The following SPTAN1 variants were observed in gnomAD, a reference collection of about 807,000 sequenced individuals.
SPTAN1 encodes spectrin alpha, non-erythrocytic 1, also known as spectrin alpha chain, non-erythrocytic 1.
SPTAN1 carries 61 observed loss-of-function variants against 331.3 expected under a neutral mutation model. That is an observed-to-expected ratio of 0.18 (90% CI 0.15 to 0.23). The LOEUF is 0.23. SPTAN1 is among the 10% of genes least tolerant of loss of function. The probability of loss-of-function intolerance (pLI) is 1.00; values close to 1 mark genes in which losing one functional copy is unlikely to be tolerated. For missense variants in SPTAN1, 2,043 were observed against 3,147.9 expected (o/e 0.65, Z 8.40); for synonymous variants, 1,153 against 1,173.9 (o/e 0.98, Z 0.36).
At chr9:128,571,094 C>T (rs1850665093) in intron 3 of SPTAN1, among the ~76,000 whole-genome samples, 2 of 152,048 alleles carry the variant, frequency 1.3e-5, no homozygotes, top group Admixed American at 1.3e-4. Flanking sequence ...TCAAAACCAG[C>T]CTGGGCAACA....
Position 128,583,182 on chromosome 9 carries a change from C to T in SPTAN1, c.1912C>T (p.Leu638=). ...IDALEKAGQK[L]IDVNHYAKDE... is the part of the protein sequence containing the mutation. Reference sequence around the variant, plus strand: ...TGCCTTGGAGAAAGCTGGCCAAAAGCTGATTGATGTCAACCACTATGCCAA... The same window carrying T: ...TGCCTTGGAGAAAGCTGGCCAAAAGTTGATTGATGTCAACCACTATGCCAA... Residue 638 remains leucine (L), a synonymous_variant, in exon 15 of 57, where the codon CTG becomes TTG. Coordinates refer to ENST00000372739, the MANE Select transcript of SPTAN1 (RefSeq NM_001130438.3). 1 of 1,614,116 alleles carries T rather than the reference C, an allele frequency of 6.2e-7. No homozygotes were observed. The highest frequency in any genetic ancestry group is 8.5e-7 in the Non-Finnish European group (1 of 1,180,036).
At chr9:128,610,559 G>GTT (rs767424166) in intron 37 of SPTAN1, among the ~76,000 whole-genome samples, 5 of 146,396 alleles carry the variant, frequency 3.4e-5, no homozygotes, top group African/African-American at 1.3e-4. Flanking sequence ...CCTTTTAGTT[G>GTT]TTTTTTTTTT....
intron 1 of SPTAN1, among the ~76,000 whole-genome samples, chr9:128,563,009 T>C (rs10988039): frequency 0.17 from 22,884 of 135,158 alleles, 2,580 homozygotes; most frequent in East Asian, 0.44. Context: ...TATATATATA[T>C]ATATATATAT....
rs377595045 is a variant in SPTAN1 at position 128,613,688 on chromosome 9, T to C, written c.5148+203T>C. Among the ~76,000 whole-genome samples the C allele has an allele frequency of 4.6e-5, 7 of 152,358 alleles. No individual in the cohort carries two copies. In the South Asian group the frequency reaches 8.3e-4, roughly 18 times the overall value. On this transcript the variant is annotated intron_variant, in intron 40 of 56. Transcript: ENST00000372739. ...ATTTTTATTATGTAGGTTTTATCAATGCTCACCATTATTAAAAATTACATA... is the reference window on the plus strand; with the variant it reads ...ATTTTTATTATGTAGGTTTTATCAACGCTCACCATTATTAAAAATTACATA...
intron 22 of SPTAN1, among the ~76,000 whole-genome samples, chr9:128,592,511 G>T (rs1853667985): frequency 6.6e-6 from 1 of 152,184 alleles, no homozygotes; most frequent in South Asian, 2.1e-4. Flanking sequence ...CTGACCTCGT[G>T]ATCCGCCCGC....
chr9:128,614,585 G>A (rs1490839748), intron 40 of SPTAN1, among the ~76,000 whole-genome samples: 4 of 147,292 alleles, frequency 2.7e-5, no homozygotes, highest in South Asian at 2.2e-4. Flanking sequence ...ATGAGACTAC[G>A]TCTCAAAAAA....
chr9:128,627,627 C>A lies in SPTAN1; in HGVS notation c.6689+129C>A, dbSNP rs956645216. On this transcript the variant is annotated intron_variant, in intron 50 of 56. Transcript: ENST00000372739. This position sits in a 1 kb window ranked among gnomAD's most constrained non-coding sequence, Gnocchi z 4.9. Reference sequence around the variant, plus strand: ...GAGGCAGCCTGGGAATAAAGCTGGGCTGGCAACGCCTGGTCGGGCTCTGGA... The same window carrying A: ...GAGGCAGCCTGGGAATAAAGCTGGGATGGCAACGCCTGGTCGGGCTCTGGA... The A allele has an allele frequency of 4.2e-6, 4 of 959,052 alleles. No homozygotes were observed. The highest frequency in any genetic ancestry group is 6.5e-6 in the Non-Finnish European group (4 of 615,172). 59.4% of individuals were successfully genotyped at this position (959,052 alleles called of 1,614,324 possible).
intron 52 of SPTAN1, 28 bp downstream of exon 52, chr9:128,630,403 CA>C: frequency 6.2e-7 from 1 of 1,611,298 alleles, no homozygotes; most frequent in Non-Finnish European, 8.5e-7. Context: ...TCTGGCCCAG[CA>C]GAGACCCTTC....
At position 128,589,043 on chromosome 9, in the gene SPTAN1, G is replaced by C. The variant is rs62584843; in HGVS notation, c.3006+100G>C. 71,507 of 1,520,340 alleles carry C rather than the reference G, an allele frequency of 0.047. 1,936 individuals carry two copies. The highest frequency in any genetic ancestry group is 0.054 in the Non-Finnish European group (60,083 of 1,122,638). The allele number at this position is 1,520,340 out of a possible 1,614,324, so 94.2% of individuals were successfully genotyped here. A position where few individuals can be genotyped will look rare whatever the true frequency, so the allele number is the denominator to read the frequency against. On this transcript the variant is annotated intron_variant, in intron 21 of 56. Coordinates refer to ENST00000372739, the MANE Select transcript of SPTAN1 (RefSeq NM_001130438.3). ...TTGCATGTCTCCCTGAAATGAGAAG[G>C]CTTAGAATTCAAAGACATGAGTTTC...
intron 51 of SPTAN1, chr9:128,628,334 G>A (rs1005521302): frequency 1.8e-5 from 7 of 383,058 alleles, no homozygotes; most frequent in Non-Finnish European, 3.0e-5. Context: ...TGGTCAGTGG[G>A]CATGAAGCAG....
chr9:128,571,637 G>C (rs903501870), intron 3 of SPTAN1, among the ~76,000 whole-genome samples: 8 of 152,126 alleles, frequency 5.3e-5, no homozygotes, highest in Non-Finnish European at 8.8e-5. Flanking sequence ...AATATAGTTT[G>C]TTGAGTAGGT....
chr9:128,584,059 TG>T, intron 16 of SPTAN1, 90 bp downstream of exon 16: 1 of 1,546,788 alleles, frequency 6.5e-7, no homozygotes. Context: ...AAATGAATTT[TG>T]GGAGGGATGA....
intron 1 of SPTAN1, among the ~76,000 whole-genome samples, chr9:128,557,799 CTTTTTTTTT>C (rs72214808): frequency 2.4e-5 from 2 of 84,994 alleles, no homozygotes; most frequent in Admixed American, 1.5e-4. Flanking sequence ...TTAGAAATTT[CTTTTTTTTT>C]TTTTTTTTTT....
In SPTAN1 at chr9:128,607,964, T is replaced by A. The variant is rs1310639207; in HGVS notation, c.4259T>A (p.Leu1420His). The A allele has an allele frequency of 6.2e-7, 1 of 1,614,022 alleles. No homozygotes were observed. The highest frequency in any genetic ancestry group is 2.2e-5 in the East Asian group (1 of 44,874). Residue 1420 changes from leucine to histidine, a missense_variant, in exon 33 of 57, where the codon CTT becomes CAT. Leu to His is a moderately conservative substitution (Grantham distance 99, BLOSUM62 -3). Transcript: ENST00000372739. ...HYASPEIKQK[L>H]DILDQERADL... ...GCCAGCCCTGAGATCAAGCAGAAACTTGATATTCTTGACCAGGAGCGTGCA... is the reference window on the plus strand; with the variant it reads ...GCCAGCCCTGAGATCAAGCAGAAACATGATATTCTTGACCAGGAGCGTGCA...
At position 128,625,297 on chromosome 9, in the gene SPTAN1, A is replaced by G. The variant is rs1193548849; in HGVS notation, c.6069+118A>G. The G allele has an allele frequency of 8.5e-6, 9 of 1,062,238 alleles. No homozygotes were observed. The highest frequency in any genetic ancestry group is 1.1e-5 in the Non-Finnish European group (8 of 701,874). 65.8% of individuals were successfully genotyped at this position (1,062,238 alleles called of 1,614,324 possible). A position where few individuals can be genotyped will look rare whatever the true frequency, so the allele number is the denominator to read the frequency against. ...TAGCCCCTGGGGATCAGCAGGAAAAAGATCCTGTCCTGGTCCTCAGGGAGC... is the reference window on the plus strand; with the variant it reads ...TAGCCCCTGGGGATCAGCAGGAAAAGGATCCTGTCCTGGTCCTCAGGGAGC... On this transcript the variant is annotated intron_variant, in intron 47 of 56. Transcript: ENST00000372739. The surrounding 1 kb of genome is among the most constrained non-coding windows in gnomAD (Gnocchi z 4.1).
In SPTAN1 at chr9:128,625,778, G is replaced by C. The variant is rs759959490; in HGVS notation, c.6079G>C (p.Asp2027His). ...QTLLTKQETF[D>H]AGLQAFQQEG... is the part of the protein sequence containing the mutation. Reference sequence around the variant, plus strand: ...GTCACTCCTTGTTCAGGAAACTTTTGACGCTGGGCTGCAGGCCTTCCAGCA... The same window carrying C: ...GTCACTCCTTGTTCAGGAAACTTTTCACGCTGGGCTGCAGGCCTTCCAGCA... The change falls in exon 48 of 57, where the codon GAC (aspartate) becomes CAC (histidine). Residue 2027 changes from aspartate (D) to histidine (H), a missense_variant. Around this residue, in one of 12 missense-constraint regions of SPTAN1, gnomAD observed 256 missense variants for 376.4 expected, o/e 0.68. Transcript: ENST00000372739. The surrounding 1 kb of genome is among the most constrained non-coding windows in gnomAD (Gnocchi z 4.1). The C allele has an allele frequency of 1.2e-6, 2 of 1,614,022 alleles. No homozygotes were observed. The highest frequency in any genetic ancestry group is 1.7e-6 in the Non-Finnish European group (2 of 1,180,030).
At chr9:128,562,997 T>C (rs1250488265) in intron 1 of SPTAN1, among the ~76,000 whole-genome samples, 4 of 12,130 alleles carry the variant, frequency 3.3e-4, no homozygotes, top group South Asian at 4.4e-3. Context: ...TATGTGTATA[T>C]ATATATATAT....
At chr9:128,580,577 T>C (rs1851824451) in intron 10 of SPTAN1, among the ~76,000 whole-genome samples, 1 of 152,102 alleles carries the variant, frequency 6.6e-6, no homozygotes, top group African/African-American at 2.4e-5. Flanking sequence ...TGACATTTCT[T>C]AGTGGAGAGT....
Position 128,593,052 on chromosome 9 carries a change from C to T in SPTAN1, c.3215+10C>T, listed in dbSNP as rs1853744749. On this transcript the variant is annotated intron_variant, in intron 23 of 56. Transcript: ENST00000372739. ...AGCAGGTGGAAGAACTGTGAGTAGGCTGAGAGTCTTGCAGAGCACCAATGT... is the reference window on the plus strand; with the variant it reads ...AGCAGGTGGAAGAACTGTGAGTAGGTTGAGAGTCTTGCAGAGCACCAATGT... 6.2e-7 allele frequency: 1 copy of T among 1,607,818 alleles called. No homozygotes were observed. Among genetic ancestry groups the T allele is most frequent in the East Asian group, 2.2e-5 (1 of 44,788 alleles).
Sources: allele counts gnomAD v4.1 joint callset (sites outside exome capture counted in the v4.1 genomes callset), GRCh38; gene constraint gnomAD v4.1.1; regional missense constraint gnomAD v4.1.1; non-coding constraint Gnocchi (gnomAD v3.1); transcripts MANE v1.5; gene names NCBI Gene and HGNC (gene_info 2026-07-23, HGNC 2026-07-21).